Variants in QSOX1 observed in about 807,000 individuals in gnomAD.
QSOX1 encodes the protein quiescin sulfhydryl oxidase 1, also known as sulfhydryl oxidase 1.
Under a neutral mutation model 76.1 loss-of-function variants are expected in QSOX1, and 40 were observed. That is an observed-to-expected ratio of 0.53 (90% CI 0.41 to 0.68). QSOX1 has a LOEUF of 0.68. QSOX1 is among the 30% of genes least tolerant of loss of function. The pLI is 0.00. For synonymous variants in QSOX1, 392 were observed against 413.1 expected (o/e 0.95, Z 0.62); for missense variants, 931 against 974.3 (o/e 0.96, Z 0.59).
intron 8 of QSOX1, 79 bp downstream of exon 8, chr1:180,186,261 G>A (rs1053885332): frequency 6.7e-5 from 102 of 1,530,946 alleles, no homozygotes; most frequent in African/African-American, 3.6e-4. Context: ...TGGGCACCCC[G>A]TCAGCCCCTC....
At chr1:180,159,092 A>T (rs138137320) in intron 1 of QSOX1, among the ~76,000 whole-genome samples, 14 of 151,370 alleles carry the variant, frequency 9.2e-5, no homozygotes, top group South Asian at 2.1e-4. Flanking sequence ...TCCCCACAAC[A>T]CCCCCTACCA....
chr1:180,172,531 A>G (rs1250863258), intron 2 of QSOX1, among the ~76,000 whole-genome samples: 2 of 151,688 alleles, frequency 1.3e-5, no homozygotes, highest in African/African-American at 4.8e-5. Flanking sequence ...AAATTTTTTT[A>G]TTTTTTGAGA....
chr1:180,178,932 A>T lies in QSOX1; in HGVS notation c.606+48A>T, dbSNP rs531419580. The T allele has an allele frequency of 2.1e-4, 324 of 1,537,678 alleles. 10 individuals carry two copies. In the South Asian group the frequency reaches 3.5e-3, roughly 16 times the overall value. ...GCAATTCTTGGATAGCCATGGAGAGAGAGCCCCAGTTTGGGAGCAGGGCTT... is the reference window on the plus strand; with the variant it reads ...GCAATTCTTGGATAGCCATGGAGAGTGAGCCCCAGTTTGGGAGCAGGGCTT... On this transcript the variant is annotated intron_variant, in intron 5 of 11. Transcript: ENST00000367602.
Position 180,196,356 on chromosome 1 carries a change from G to A in QSOX1, c.1563G>A (p.Val521=). ...ACAATGAACGCCTGGATGTGCCCGT[G>A]TGGGACGTGGAAGCCACCCTCAACT... ...ACHNERLDVP[V]WDVEATLNFL... The change falls in exon 12 of 12, where the codon GTG becomes GTA. Residue 521 remains valine, a synonymous_variant. Transcript: ENST00000367602. This position sits in a 1 kb window ranked among gnomAD's most constrained non-coding sequence, Gnocchi z 4.1. 6.2e-7 allele frequency: 1 copy of A among 1,614,190 alleles called. No individual in the cohort carries two copies. The highest frequency in any genetic ancestry group is 8.5e-7 in the Non-Finnish European group (1 of 1,180,036).
At chr1:180,181,128 C>G (rs893845980) in intron 5 of QSOX1, among the ~76,000 whole-genome samples, 4 of 152,032 alleles carry the variant, frequency 2.6e-5, no homozygotes, top group African/African-American at 9.7e-5. Flanking sequence ...CTACATAATA[C>G]CTATGCAATA....
At chr1:180,194,185 G>T in intron 10 of QSOX1, 28 bp from the exon 11 acceptor site, 1 of 1,583,804 alleles carries the variant, frequency 6.3e-7, no homozygotes, top group Non-Finnish European at 8.6e-7. Flanking sequence ...CTGAAGGGCT[G>T]GTGCGTGGCA....
intron 5 of QSOX1, among the ~76,000 whole-genome samples, chr1:180,179,755 G>C (rs971594149): frequency 2.0e-5 from 3 of 152,242 alleles, no homozygotes; most frequent in African/African-American, 7.2e-5. Flanking sequence ...TGATTTTCCT[G>C]CTGAAACTCA....
At chr1:180,195,581 A>G (rs531627740) in intron 11 of QSOX1, among the ~76,000 whole-genome samples, 1 of 152,216 alleles carries the variant, frequency 6.6e-6, no homozygotes, top group Non-Finnish European at 1.5e-5. Context: ...GGACTCATCC[A>G]GAGGCTGCCT....
chr1:180,164,732 G>A (rs919312114), intron 1 of QSOX1, among the ~76,000 whole-genome samples: 1 of 152,212 alleles, frequency 6.6e-6, no homozygotes, highest in Non-Finnish European at 1.5e-5. Flanking sequence ...GTCGTAAGGA[G>A]TAAGTTCTAG....
intron 10 of QSOX1, among the ~76,000 whole-genome samples, chr1:180,192,679 C>T (rs1349572865): frequency 2.6e-5 from 4 of 152,034 alleles, no homozygotes; most frequent in African/African-American, 7.2e-5. Flanking sequence ...GTCAGGGGCT[C>T]GGGTTGGGAT....
rs768327518 is a variant in QSOX1 at position 180,178,826 on chromosome 1, A to G, written c.548A>G (p.Asn183Ser). ...GAGATTGATGGATTCTTTGCGAGAA[A>G]TAACGAAGAGTACCTGGCTCTGATC... ...LEEIDGFFARNNEEYLALIFE... is the reference protein window; with the variant it reads ...LEEIDGFFARSNEEYLALIFE... Residue 183 changes from asparagine to serine, a missense_variant, in exon 5 of 12, where the codon AAT (asparagine) becomes AGT (serine). By Grantham distance (46) the Asn-to-Ser change is conservative. Coordinates refer to ENST00000367602, the MANE Select transcript of QSOX1 (RefSeq NM_002826.5). 32 of 1,613,904 alleles carry G rather than the reference A, an allele frequency of 2.0e-5. No individual in the cohort carries two copies. The highest frequency in any genetic ancestry group is 3.3e-5 in the Admixed American group (2 of 60,012).
At chr1:180,162,542 T>C (rs994536753) in intron 1 of QSOX1, among the ~76,000 whole-genome samples, 1 of 152,098 alleles carries the variant, frequency 6.6e-6, no homozygotes, top group Non-Finnish European at 1.5e-5. Context: ...TCGAGACCAG[T>C]CTGGGCAACA....
At position 180,175,911 on chromosome 1, in the gene QSOX1, A is replaced by G. The variant is rs1468199246; in HGVS notation, c.413-20A>G. 6.4e-7 allele frequency: 1 copy of G among 1,561,006 alleles called. No individual in the cohort carries two copies. Among genetic ancestry groups the G allele is most frequent in the South Asian group, 1.2e-5 (1 of 85,436 alleles). On this transcript the variant is annotated intron_variant, in intron 3 of 11. Transcript: ENST00000367602. ...GCTCTGCTCTCCTGACACTCCGCTC[A>G]CGCCTGTTTTCATTTACAGTGGCTG...
Position 180,198,493 on chromosome 1 carries a change from C to T in QSOX1, c.*1456C>T, listed in dbSNP as rs1218979103. ...AACCTCATTAAGGGGGAGCAGGAGCCTCAATCCGATTTGGTTTTCTCTTTG... is the reference window on the plus strand; with the variant it reads ...AACCTCATTAAGGGGGAGCAGGAGCTTCAATCCGATTTGGTTTTCTCTTTG... On this transcript the variant is annotated 3_prime_UTR_variant, in exon 12 of 12. Transcript: ENST00000367602. 1 of 427,072 alleles carries T rather than the reference C, an allele frequency of 2.3e-6. No individual in the cohort carries two copies. Among genetic ancestry groups the T allele is most frequent in the East Asian group, 7.3e-5 (1 of 13,784 alleles). The allele number at this position is 427,072 out of a possible 1,614,324, so 26.5% of individuals were successfully genotyped here.
chr1:180,174,883 G>T (rs1174190959), intron 2 of QSOX1, among the ~76,000 whole-genome samples: 1 of 151,644 alleles, frequency 6.6e-6, no homozygotes, highest in African/African-American at 2.4e-5. Flanking sequence ...AAACAGGCTC[G>T]GCCAGGCGCC....
intron 5 of QSOX1, 54 bp downstream of exon 5, chr1:180,178,938 C>T (rs1372485097): frequency 2.0e-6 from 3 of 1,513,784 alleles, no homozygotes; most frequent in South Asian, 1.1e-5. Flanking sequence ...AGAGAGAGCC[C>T]CAGTTTGGGA....
chr1:180,165,688 A>G (rs1572039683), intron 1 of QSOX1, among the ~76,000 whole-genome samples: 1 of 152,194 alleles, frequency 6.6e-6, no homozygotes, highest in South Asian at 2.1e-4. Context: ...CTTGGCTTCC[A>G]GCTGGAGCAG....
rs1242402795 is a variant in QSOX1 at position 180,202,627 on chromosome 1, C to T, written c.*5590C>T. On this transcript the variant is annotated 3_prime_UTR_variant, in exon 12 of 12. Transcript: ENST00000367602. ...GGGGAAAATTCAGGTAAGATCTCAC[C>T]TTCATACCATATACCAAAATACATC... 6.9e-6 allele frequency: 1 copy of T among 145,184 alleles called. No individual in the cohort carries two copies. Among genetic ancestry groups the T allele is most frequent in the Non-Finnish European group, 1.5e-5 (1 of 66,906 alleles). 9.0% of individuals were successfully genotyped at this position (145,184 alleles called of 1,614,324 possible). A position where few individuals can be genotyped will look rare whatever the true frequency, so the allele number is the denominator to read the frequency against.
rs78461874 is a variant in QSOX1 at position 180,164,533 on chromosome 1, C to T, written c.266-1958C>T. On this transcript the variant is annotated intron_variant, in intron 1 of 11. Transcript: ENST00000367602. ...GTGTGGCCACAGGCCTTCCTCCCAG[C>T]TCGCAGAGCCCCCTCCCTTGTATCA... Among the ~76,000 whole-genome samples the T allele has an allele frequency of 7.8e-3, 1,181 of 152,304 alleles. 12 individuals carry two copies. The highest frequency in any genetic ancestry group is 0.027 in the African/African-American group (1,122 of 41,560).
Sources: allele counts gnomAD v4.1 joint callset (sites outside exome capture counted in the v4.1 genomes callset), GRCh38; gene constraint gnomAD v4.1.1; non-coding constraint Gnocchi (gnomAD v3.1); transcripts MANE v1.5; gene names NCBI Gene and HGNC (gene_info 2026-07-23, HGNC 2026-07-21).